ATP8A1: variants seen among roughly 807,000 people sequenced by gnomAD.
The protein encoded by ATP8A1 is ATPase phospholipid transporting 8A1.
Under a neutral mutation model 177.7 loss-of-function variants are expected in ATP8A1, and 90 were observed. The observed-to-expected ratio is 0.51, with a 90% CI of 0.43 to 0.60. The LOEUF (loss-of-function observed/expected upper bound fraction) is 0.60, where lower values mean the gene tolerates loss of function less well. Ranked by LOEUF, ATP8A1 falls within the 20% of genes least tolerant of loss-of-function variation. ATP8A1 has a pLI of 0.00. For synonymous variants in ATP8A1, 493 were observed against 485.9 expected (o/e 1.01, Z -0.19); for missense variants, 1,072 against 1,392.8 (o/e 0.77, Z 3.67).
At chr4:42,561,252 C>A (rs1215297993) in intron 15 of ATP8A1, among the ~76,000 whole-genome samples, 3 of 152,104 alleles carry the variant, frequency 2.0e-5, no homozygotes, top group Non-Finnish European at 4.4e-5. Flanking sequence ...CTCGGGCCGG[C>A]CTGAAGAGCA....
chr4:42,516,729 T>C (rs993736833), intron 22 of ATP8A1, among the ~76,000 whole-genome samples: 6 of 152,234 alleles, frequency 3.9e-5, no homozygotes, highest in Admixed American at 2.0e-4. Context: ...GAGACTTCTA[T>C]ACTATTAATT....
At chr4:42,467,923 T>C (rs1275209040) in intron 25 of ATP8A1, among the ~76,000 whole-genome samples, 1 of 152,216 alleles carries the variant, frequency 6.6e-6, no homozygotes, top group African/African-American at 2.4e-5. Context: ...GATATACAGA[T>C]TGTGAAGATT....
rs1326623200 is a variant in ATP8A1, at chr4:42,412,354, C to T, written c.*562G>A. On this transcript the variant is annotated 3_prime_UTR_variant, in exon 37 of 37. Coordinates refer to ENST00000381668, the MANE Select transcript of ATP8A1 (RefSeq NM_006095.2). ...TCTTACATTTCTGGGCATATGACTA[C>T]TGAACTAGAAAAACACTTACTGAAC... The T allele has an allele frequency of 3.3e-5, 5 of 152,320 alleles. No homozygotes were observed. The highest frequency in any genetic ancestry group is 9.6e-5 in the African/African-American group (4 of 41,572). The allele number at this position is 152,320 out of a possible 1,614,324, so 9.4% of individuals were successfully genotyped here. A position where few individuals can be genotyped will look rare whatever the true frequency, so the allele number is the denominator to read the frequency against.
intron 1 of ATP8A1, among the ~76,000 whole-genome samples, chr4:42,628,301 T>C (rs930963680): frequency 2.0e-5 from 3 of 152,034 alleles, no homozygotes; most frequent in Non-Finnish European, 4.4e-5. Flanking sequence ...AACCAGAAAA[T>C]CACTGAGGTG....
At chr4:42,457,680 G>A (rs972692196) in intron 27 of ATP8A1, among the ~76,000 whole-genome samples, 3 of 152,168 alleles carry the variant, frequency 2.0e-5, no homozygotes, top group African/African-American at 4.8e-5. Context: ...TAGTAAATAC[G>A]AATGGTCCCC....
chr4:42,614,754 G>A (rs572835957), intron 5 of ATP8A1, among the ~76,000 whole-genome samples: 6 of 152,096 alleles, frequency 3.9e-5, no homozygotes, highest in East Asian at 1.9e-4. Flanking sequence ...TCCTTTCTGC[G>A]CCTGGCAGTC....
At chr4:42,612,492 T>A (rs1179233374) in intron 5 of ATP8A1, among the ~76,000 whole-genome samples, 1 of 148,452 alleles carries the variant, frequency 6.7e-6, no homozygotes, top group African/African-American at 2.5e-5. Flanking sequence ...CTGGGTGGAG[T>A]GGACCATAAA....
chr4:42,622,021 T>C (rs999152927), intron 4 of ATP8A1, among the ~76,000 whole-genome samples: 11 of 152,188 alleles, frequency 7.2e-5, no homozygotes, highest in African/African-American at 2.7e-4. Flanking sequence ...AATAACTGGT[T>C]AGCCATATGT....
At chr4:42,440,834 C>T (rs1463708436) in intron 33 of ATP8A1, among the ~76,000 whole-genome samples, 1 of 152,182 alleles carries the variant, frequency 6.6e-6, no homozygotes, top group Non-Finnish European at 1.5e-5. Flanking sequence ...AACAGGGCTG[C>T]TATTCTCTGT....
intron 29 of ATP8A1, among the ~76,000 whole-genome samples, chr4:42,454,726 A>G (rs1027587538): frequency 4.6e-5 from 7 of 152,276 alleles, no homozygotes; most frequent in African/African-American, 1.7e-4. Context: ...ATTTTAGATA[A>G]ACTGTTGGAT....
intron 20 of ATP8A1, among the ~76,000 whole-genome samples, chr4:42,536,344 AC>A (rs1214820646): frequency 1.3e-5 from 2 of 152,190 alleles, no homozygotes; most frequent in African/African-American, 4.8e-5. Flanking sequence ...ATGTGCATAA[AC>A]TAGAAAACCC....
intron 27 of ATP8A1, among the ~76,000 whole-genome samples, chr4:42,461,582 T>C (rs902920475): frequency 1.3e-5 from 2 of 152,168 alleles, no homozygotes; most frequent in African/African-American, 4.8e-5. Context: ...GAACTGTAAG[T>C]CCATTAAACC....
chr4:42,632,218 C>T (rs1281272420), intron 1 of ATP8A1, among the ~76,000 whole-genome samples: 1 of 152,152 alleles, frequency 6.6e-6, no homozygotes, highest in African/African-American at 2.4e-5. Context: ...TCTCCAAGGT[C>T]TGTAACTTCT....
intron 19 of ATP8A1, among the ~76,000 whole-genome samples, chr4:42,546,511 A>G (rs1415176552): frequency 6.6e-6 from 1 of 151,948 alleles, no homozygotes; most frequent in Non-Finnish European, 1.5e-5. Context: ...CAGCACACCA[A>G]CATGGCTCAT....
At chr4:42,452,622 C>G (rs1718050208) in intron 29 of ATP8A1, among the ~76,000 whole-genome samples, 1 of 152,182 alleles carries the variant, frequency 6.6e-6, no homozygotes, top group Non-Finnish European at 1.5e-5. Flanking sequence ...TAAAGGCTTT[C>G]ACAATTTAAC....
intron 9 of ATP8A1, among the ~76,000 whole-genome samples, chr4:42,582,614 C>T (rs1733213404): frequency 6.6e-6 from 1 of 151,646 alleles, no homozygotes; most frequent in Admixed American, 6.6e-5. Flanking sequence ...CATTGCCAGC[C>T]CTGACCCCCT....
At chr4:42,428,686 C>T (rs1320207169) in intron 33 of ATP8A1, among the ~76,000 whole-genome samples, 3 of 152,166 alleles carry the variant, frequency 2.0e-5, no homozygotes, top group Admixed American at 1.3e-4. Flanking sequence ...TCAGAATGTC[C>T]TCAGAATAGA....
At chr4:42,619,466 GTTAT>G (rs1737242155) in intron 4 of ATP8A1, among the ~76,000 whole-genome samples, 2 of 152,060 alleles carry the variant, frequency 1.3e-5, no homozygotes, top group South Asian at 4.2e-4. Flanking sequence ...AAGTATGTGT[GTTAT>G]TTGTTATTAA....
rs1412608936 is a variant in ATP8A1, at chr4:42,411,684, G to T, written c.*1232C>A. The T allele has an allele frequency of 3.3e-5, 5 of 152,052 alleles. No individual in the cohort carries two copies. The highest frequency in any genetic ancestry group is 7.4e-5 in the Non-Finnish European group (5 of 68,026). The allele number at this position is 152,052 out of a possible 1,614,324, so 9.4% of individuals were successfully genotyped here. ...CTAACAAAAGCTACTCATGATGAAC[G>T]TGTCCTCTGACTGTAAAGTTACCGG... On this transcript the variant is annotated 3_prime_UTR_variant, in exon 37 of 37. Coordinates refer to ENST00000381668, the MANE Select transcript of ATP8A1 (RefSeq NM_006095.2).
Sources: gnomAD v4.1 joint callset for allele counts (sites outside exome capture counted in the v4.1 genomes callset) on GRCh38, gnomAD v4.1.1 for gene constraint, MANE v1.5 for transcripts, NCBI Gene and HGNC (gene_info 2026-07-23, HGNC 2026-07-21) for gene names.